Variants in QTGAL observed in about 807,000 individuals in gnomAD.
QTGAL encodes BGnT-like protein 1.
chr17:83,007,952 A>T, the QTGAL span, among the ~76,000 whole-genome samples: 2 of 152,202 alleles, frequency 1.3e-5, no homozygotes, highest in Non-Finnish European at 2.9e-5. Flanking sequence ...TCTAAACAGC[A>T]GTAGGAAGGC....
the QTGAL span, among the ~76,000 whole-genome samples, chr17:82,954,713 G>A: frequency 6.6e-5 from 10 of 152,248 alleles, no homozygotes; most frequent in African/African-American, 1.7e-4. Flanking sequence ...GAGGCATCAC[G>A]CTACCTGACT....
chr17:82,955,316 A>C, the QTGAL span, among the ~76,000 whole-genome samples: 5 of 152,220 alleles, frequency 3.3e-5, no homozygotes, highest in Non-Finnish European at 5.9e-5. Flanking sequence ...ATGAACAGAC[A>C]CTTCTCAAAA....
the QTGAL span, among the ~76,000 whole-genome samples, chr17:82,952,183 T>C: frequency 6.6e-6 from 1 of 152,196 alleles, no homozygotes; most frequent in African/African-American, 2.4e-5. Flanking sequence ...TGACAGCTCA[T>C]CACAGGCCGG....
chr17:83,038,310 C>A, the QTGAL span, among the ~76,000 whole-genome samples: 1 of 152,204 alleles, frequency 6.6e-6, no homozygotes, highest in Admixed American at 6.5e-5. Context: ...GGCAGCAGGA[C>A]GGCTCATTTC....
At chr17:82,970,644 C>A in the QTGAL span, among the ~76,000 whole-genome samples, 1,118 of 52,852 alleles carry the variant, frequency 0.021, 245 homozygotes, top group East Asian at 0.12. Context: ...ACCTCCGCAC[C>A]CGGTGTGGCC....
At chr17:83,045,905 T>C in the QTGAL span, among the ~76,000 whole-genome samples, 4,534 of 151,964 alleles carry the variant, frequency 0.03, 232 homozygotes, top group African/African-American at 0.1. Flanking sequence ...GAGATCGCGA[T>C]CTCTGCCTCC....
At chr17:82,973,217 T>G in the QTGAL span, among the ~76,000 whole-genome samples, 1 of 151,278 alleles carries the variant, frequency 6.6e-6, no homozygotes, top group Non-Finnish European at 1.5e-5. Flanking sequence ...CAATGAAAGC[T>G]GGAGACGCCC....
At chr17:82,970,604 G>GACGCGACCT in the QTGAL span, among the ~76,000 whole-genome samples, 11 of 143,402 alleles carry the variant, frequency 7.7e-5, no homozygotes, top group African/African-American at 2.8e-4. Flanking sequence ...ACCCGGCGTG[G>GACGCGACCT]CCGCGACCTC....
the QTGAL span, among the ~76,000 whole-genome samples, chr17:83,028,062 G>A: frequency 3.3e-5 from 5 of 152,110 alleles, no homozygotes; most frequent in East Asian, 9.7e-4. Context: ...AGTGAGCCAA[G>A]ATCGCACCAC....
the QTGAL span, chr17:82,965,857 C>T: frequency 2.6e-6 from 3 of 1,146,932 alleles, no homozygotes; most frequent in Non-Finnish European, 3.8e-6. Context: ...AATCCGTGTC[C>T]CTTCTCCACA....
chr17:83,024,247 C>T, the QTGAL span, among the ~76,000 whole-genome samples: 2 of 152,168 alleles, frequency 1.3e-5, no homozygotes, highest in African/African-American at 4.8e-5. Context: ...GTCCCGGCCA[C>T]AGCTCCTGGC....
At chr17:83,014,833 G>A in the QTGAL span, among the ~76,000 whole-genome samples, 11 of 152,270 alleles carry the variant, frequency 7.2e-5, no homozygotes, top group African/African-American at 2.7e-4. Context: ...TCAGACAAGA[G>A]GATTTCCAGT....
the QTGAL span, among the ~76,000 whole-genome samples, chr17:83,030,425 G>A: frequency 2.6e-5 from 4 of 152,232 alleles, no homozygotes; most frequent in East Asian, 1.9e-4. Context: ...AGCTGTAGAG[G>A]TGGAAAGGAG....
chr17:82,957,709 C>A, the QTGAL span, among the ~76,000 whole-genome samples: 1 of 152,166 alleles, frequency 6.6e-6, no homozygotes, highest in African/African-American at 2.4e-5. Flanking sequence ...TTCCATTAGA[C>A]CCCAACAGGT....
the QTGAL span, among the ~76,000 whole-genome samples, chr17:82,996,707 C>T: frequency 2.6e-5 from 4 of 152,078 alleles, no homozygotes; most frequent in East Asian, 1.9e-4. Context: ...CACATAGATC[C>T]GTGGAACAGA....
chr17:83,047,292 C>A, the QTGAL span, among the ~76,000 whole-genome samples: 3 of 152,144 alleles, frequency 2.0e-5, no homozygotes, highest in African/African-American at 7.2e-5. Context: ...TGAGGCCCCA[C>A]CCTCATGTCC....
chr17:83,016,333 C>T, the QTGAL span, among the ~76,000 whole-genome samples: 7 of 152,106 alleles, frequency 4.6e-5, no homozygotes, highest in Non-Finnish European at 1.0e-4. Flanking sequence ...TCTCTTATTC[C>T]CGCAAAACGG....
the QTGAL span, among the ~76,000 whole-genome samples, chr17:82,976,063 T>C: frequency 3.6e-3 from 124 of 34,128 alleles, no homozygotes; most frequent in Admixed American, 4.2e-3. Context: ...TCCCAGGGGC[T>C]GGAGGCCACT....
At chr17:83,034,679 G>C in the QTGAL span, among the ~76,000 whole-genome samples, 7 of 152,172 alleles carry the variant, frequency 4.6e-5, no homozygotes, top group East Asian at 7.7e-4. Flanking sequence ...ACTGAATCAC[G>C]GGGGCGGGCA....
Sources: allele counts gnomAD v4.1 joint callset (sites outside exome capture counted in the v4.1 genomes callset), GRCh38; gene constraint gnomAD v4.1.1; transcripts MANE v1.5; gene names NCBI Gene and HGNC (gene_info 2026-07-23, HGNC 2026-07-21).